Variants in RABGAP1L observed in about 807,000 individuals in gnomAD.
RABGAP1L encodes rab GTPase-activating protein 1-like.
A neutral mutation model predicts 137.7 loss-of-function variants in RABGAP1L; 63 were observed. The ratio of observed to expected loss-of-function variants is 0.46; its 90% CI spans 0.37 to 0.56. The LOEUF is 0.56. Ranked by LOEUF, RABGAP1L falls within the 20% of genes least tolerant of loss-of-function variation. The pLI, the probability that RABGAP1L is intolerant of heterozygous loss-of-function variation, is 0.00. For synonymous variants in RABGAP1L, 431 were observed against 433.7 expected, an observed-to-expected ratio of 0.99 and a Z score of 0.08; for missense variants, 1,095 against 1,244.0, an observed-to-expected ratio of 0.88 and a Z score of 1.80.
chr1:174,491,167 G>A (rs1216236312), intron 13 of RABGAP1L, among the ~76,000 whole-genome samples: 1 of 151,996 alleles, frequency 6.6e-6, no homozygotes. Flanking sequence ...ACCACAGCTG[G>A]GAAAGTGCTG....
At chr1:174,883,247 A>G (rs1654542134) in intron 19 of RABGAP1L, among the ~76,000 whole-genome samples, 1 of 152,200 alleles carries the variant, frequency 6.6e-6, no homozygotes, top group Non-Finnish European at 1.5e-5. Context: ...ACATAATAGT[A>G]TTACCTCATT....
chr1:174,239,508 T>A (rs1266158048), intron 4 of RABGAP1L, among the ~76,000 whole-genome samples: 2 of 152,222 alleles, frequency 1.3e-5, no homozygotes, highest in East Asian at 3.8e-4. Context: ...GTAAACATTT[T>A]ATCATAAGAA....
chr1:174,179,245 C>T (rs1036751022), intron 1 of RABGAP1L, among the ~76,000 whole-genome samples: 3 of 152,036 alleles, frequency 2.0e-5, no homozygotes, highest in Non-Finnish European at 1.5e-5. Flanking sequence ...TTCGAATTGA[C>T]TGTGTTAGCT....
At chr1:174,289,101 A>T (rs983322977) in intron 10 of RABGAP1L, among the ~76,000 whole-genome samples, 2 of 152,152 alleles carry the variant, frequency 1.3e-5, no homozygotes, top group African/African-American at 4.8e-5. Context: ...GCAGTGGCAC[A>T]ATCATAGTTC....
At chr1:174,611,898 A>T (rs1338048948) in intron 13 of RABGAP1L, among the ~76,000 whole-genome samples, 1 of 152,182 alleles carries the variant, frequency 6.6e-6, no homozygotes, top group Non-Finnish European at 1.5e-5. Flanking sequence ...ATTTTTGCAC[A>T]TTGATTTTGT....
chr1:174,203,149 A>C (rs1050531418), intron 1 of RABGAP1L, among the ~76,000 whole-genome samples: 1 of 152,158 alleles, frequency 6.6e-6, no homozygotes, highest in African/African-American at 2.4e-5. Context: ...TTTTACACTT[A>C]AGTCTTTAGT....
intron 1 of RABGAP1L, among the ~76,000 whole-genome samples, chr1:174,194,133 A>G (rs955090291): frequency 6.6e-6 from 1 of 152,010 alleles, no homozygotes; most frequent in Admixed American, 6.6e-5. Context: ...CTTTAATTGC[A>G]TTCGTACTAA....
intron 19 of RABGAP1L, among the ~76,000 whole-genome samples, chr1:174,902,943 A>C (rs60603291): frequency 0.024 from 3,644 of 152,250 alleles, 142 homozygotes; most frequent in African/African-American, 0.083. Flanking sequence ...GCCATCTTGG[A>C]TTGATCTCTG....
intron 7 of RABGAP1L, among the ~76,000 whole-genome samples, chr1:174,259,083 C>T (rs887688615): frequency 2.0e-5 from 3 of 150,276 alleles, no homozygotes; most frequent in Admixed American, 1.3e-4. Flanking sequence ...GCCACCATGC[C>T]TGGCCAATAT....
intron 17 of RABGAP1L, among the ~76,000 whole-genome samples, chr1:174,734,738 A>G (rs144777048): frequency 6.6e-6 from 1 of 152,324 alleles, no homozygotes; most frequent in Non-Finnish European, 1.5e-5. Context: ...TGAGTCAACC[A>G]GAGCTGGAGG....
chr1:174,278,509 T>A (rs1207694157), intron 9 of RABGAP1L, 104 bp from the exon 10 acceptor site: 1 of 863,332 alleles, frequency 1.2e-6, no homozygotes, highest in African/African-American at 1.7e-5. Context: ...TAGAAGGTAT[T>A]ACAATTGTAA....
chr1:174,928,409 A>G lies in RABGAP1L; in HGVS notation c.2341-29048A>G, dbSNP rs567081889. Reference sequence around the variant, plus strand: ...ATCTAGTATCTTGAAGTTTGTGACTATTTTATTCACCATTGTATTCCTAAC... The same window carrying G: ...ATCTAGTATCTTGAAGTTTGTGACTGTTTTATTCACCATTGTATTCCTAAC... On this transcript the variant is annotated intron_variant, in intron 19 of 25. Transcript: ENST00000681986. 2.0e-5 allele frequency among the ~76,000 whole-genome samples: 3 copies of G among 151,968 alleles called. No individual in the cohort carries two copies. In the East Asian group the frequency reaches 5.8e-4, roughly 29 times the overall value.
intron 1 of RABGAP1L, among the ~76,000 whole-genome samples, chr1:174,208,477 G>A (rs1668650736): frequency 6.6e-6 from 1 of 151,970 alleles, no homozygotes; most frequent in Non-Finnish European, 1.5e-5. Context: ...TTTACTGAGA[G>A]TTTTTGTTTT....
At chr1:174,401,412 C>A (rs1648565884) in intron 13 of RABGAP1L, among the ~76,000 whole-genome samples, 1 of 152,122 alleles carries the variant, frequency 6.6e-6, no homozygotes, top group Admixed American at 6.6e-5. Context: ...ATGATAAGCA[C>A]TCACCCGTGA....
At chr1:174,719,640 G>C (rs560342202) in intron 17 of RABGAP1L, among the ~76,000 whole-genome samples, 1 of 152,296 alleles carries the variant, frequency 6.6e-6, no homozygotes, top group East Asian at 1.9e-4. Context: ...AATGTGCTAG[G>C]TATAAGACAA....
intron 13 of RABGAP1L, among the ~76,000 whole-genome samples, chr1:174,395,033 A>G (rs1183919043): frequency 2.0e-5 from 3 of 151,670 alleles, no homozygotes; most frequent in Non-Finnish European, 2.9e-5. Context: ...GGTGTGTGGG[A>G]AAAAATGTCC....
intron 1 of RABGAP1L, among the ~76,000 whole-genome samples, chr1:174,174,747 C>G (rs1206666330): frequency 6.6e-6 from 1 of 152,156 alleles, no homozygotes; most frequent in Non-Finnish European, 1.5e-5. Context: ...TGTCTGAGCT[C>G]CAGAACAGAG....
At chr1:174,679,229 G>T (rs1677870694) in intron 14 of RABGAP1L, among the ~76,000 whole-genome samples, 1 of 152,190 alleles carries the variant, frequency 6.6e-6, no homozygotes, top group African/African-American at 2.4e-5. Flanking sequence ...GTGTGCGGGT[G>T]TGAGCTAAGC....
chr1:174,266,682 T>C (rs1357852182), intron 7 of RABGAP1L, among the ~76,000 whole-genome samples: 1 of 152,202 alleles, frequency 6.6e-6, no homozygotes, highest in African/African-American at 2.4e-5. Flanking sequence ...GATTGGTCAC[T>C]GTGTATCTGT....
Sources: allele counts gnomAD v4.1 joint callset (sites outside exome capture counted in the v4.1 genomes callset), GRCh38; gene constraint gnomAD v4.1.1; transcripts MANE v1.5; gene names NCBI Gene and HGNC (gene_info 2026-07-23, HGNC 2026-07-21).